Variants in THBS2 observed in about 807,000 individuals in gnomAD.
THBS2 encodes the protein thrombospondin-2.
Under a neutral mutation model 135.2 loss-of-function variants are expected in THBS2, and 47 were observed. The ratio of observed to expected loss-of-function variants is 0.35; its 90% CI spans 0.28 to 0.44. The LOEUF is 0.44. Ranked by LOEUF, THBS2 falls within the 20% of genes least tolerant of loss-of-function variation. The pLI, the probability that THBS2 is intolerant of heterozygous loss-of-function variation, is 1.00. For synonymous variants in THBS2, 639 were observed against 633.8 expected (o/e 1.01, Z -0.12); for missense variants, 1,288 against 1,603.1 (o/e 0.80, Z 3.36).
intron 16 of THBS2, 133 bp downstream of exon 16, chr6:169,226,047 C>T: frequency 2.2e-6 from 2 of 928,484 alleles, no homozygotes; most frequent in Non-Finnish European, 3.3e-6. Flanking sequence ...TGAGACCCGC[C>T]TGCCCATGGC....
In THBS2 at chr6:169,224,857, C is replaced by T. The variant is rs537543721; in HGVS notation, c.2773+288G>A. On this transcript the variant is annotated intron_variant, in intron 17 of 21. Coordinates refer to ENST00000617924, the MANE Select transcript of THBS2 (RefSeq NM_003247.5). ...GTAACCCGCATTCTTTCTAGGAGATCGTCAACAATCTGGAAGTTATATGGA... is the reference window on the plus strand; with the variant it reads ...GTAACCCGCATTCTTTCTAGGAGATTGTCAACAATCTGGAAGTTATATGGA... Among the ~76,000 whole-genome samples the T allele has an allele frequency of 2.9e-4, 44 of 152,246 alleles. No homozygotes were observed. The South Asian group carries it at 7.5e-3, about 26-fold the overall frequency.
Position 169,234,916 on chromosome 6 carries a change from A to G in THBS2, c.1478-9T>C. The G allele has an allele frequency of 6.3e-7, 1 of 1,581,042 alleles. No individual in the cohort carries two copies. On this transcript the variant is annotated splice_polypyrimidine_tract_variant and intron_variant, in intron 9 of 21. Transcript: ENST00000617924. ...GCTCCAGCGGCCATCGACTGCGGGG[A>G]AAGCCAACCAGGGGGAGCTCAGAGC...
At chr6:169,235,872 ACTCCCCCATCCACATTCTCC>A (rs1780023709) in intron 9 of THBS2, among the ~76,000 whole-genome samples, 2 of 53,980 alleles carry the variant, frequency 3.7e-5, no homozygotes, top group South Asian at 1.3e-3. Context: ...ATCCACACTC[ACTCCCCCATCCACATTCTCC>A]CTCCCCCATC....
intron 10 of THBS2, 53 bp downstream of exon 10, chr6:169,234,681 T>C: frequency 1.4e-6 from 2 of 1,421,010 alleles, no homozygotes; most frequent in Non-Finnish European, 9.3e-7. Flanking sequence ...TTTGTGCTTT[T>C]CATCAGAATG....
chr6:169,250,595 T>A, intron 2 of THBS2, 138 bp downstream of exon 2: 1 of 632,138 alleles, frequency 1.6e-6, no homozygotes. Context: ...AGTAAGTTAC[T>A]ATTTGATTTA....
chr6:169,248,643 T>A lies in THBS2; in HGVS notation c.383A>T (p.Tyr128Phe). Residue 128 changes from tyrosine to phenylalanine, a missense_variant, in exon 3 of 22, where the codon TAC becomes TTC. Coordinates refer to ENST00000617924, the MANE Select transcript of THBS2 (RefSeq NM_003247.5). The stretch of plus-strand genomic sequence containing the variant: ...CACATGCCGGGTGCCGTCAATCCAG[T>A]AGGTGAGATCCAGCGTGTCCGCGGG... ...NGPADTLDLTYWIDGTRHVVS... is the reference protein window; with the variant it reads ...NGPADTLDLTFWIDGTRHVVS... The A allele has an allele frequency of 6.2e-7, 1 of 1,613,894 alleles. No homozygotes were observed. Among genetic ancestry groups the A allele is most frequent in the South Asian group, 1.1e-5 (1 of 91,074 alleles).
At chr6:169,248,286 G>A (rs537504496) in intron 3 of THBS2, 131 bp downstream of exon 3, 21 of 1,079,540 alleles carry the variant, frequency 1.9e-5, no homozygotes, top group African/African-American at 7.9e-5. Context: ...AGCACATGCC[G>A]GGATGTGCAG....
chr6:169,228,064 A>G, intron 15 of THBS2, 58 bp downstream of exon 15: 28 of 1,469,488 alleles, frequency 1.9e-5, no homozygotes, highest in Non-Finnish European at 2.4e-5. Context: ...ACAATAGTGA[A>G]ACTCCATCTC....
At chr6:169,243,118 TACCTTCCCACCTTCCCACCGCTCCC>T (rs1780422118) in intron 4 of THBS2, among the ~76,000 whole-genome samples, 11 of 11,376 alleles carry the variant, frequency 9.7e-4, no homozygotes, top group Non-Finnish European at 1.4e-3. Context: ...CCACCACTCC[TACCTTCCCACCTTCCCACCGCTCCC>T]ACCTTCCCAC....
At chr6:169,227,332 T>C (rs962645596) in intron 15 of THBS2, among the ~76,000 whole-genome samples, 13 of 152,150 alleles carry the variant, frequency 8.5e-5, no homozygotes, top group Non-Finnish European at 5.9e-5. Flanking sequence ...GGGATGACCA[T>C]GCGGTGACAG....
In THBS2 at chr6:169,215,806, T is replaced by C. The variant is rs1456424877; in HGVS notation, c.*2016A>G. On this transcript the variant is annotated 3_prime_UTR_variant, in exon 22 of 22. Coordinates refer to ENST00000617924, the MANE Select transcript of THBS2 (RefSeq NM_003247.5). ...CATGTATAGAAAACCTTTTTTACAA[T>C]TTATTTCCTGTTGTTAATCTTTAAA... 1.3e-5 allele frequency: 2 copies of C among 151,376 alleles called. No individual in the cohort carries two copies. Among genetic ancestry groups the C allele is most frequent in the Admixed American group, 1.3e-4 (2 of 14,934 alleles). The allele number at this position is 151,376 out of a possible 1,614,324, so 9.4% of individuals were successfully genotyped here. A position where few individuals can be genotyped will look rare whatever the true frequency, so the allele number is the denominator to read the frequency against.
At chr6:169,228,065 A>G in intron 15 of THBS2, 57 bp downstream of exon 15, 38 of 1,466,180 alleles carry the variant, frequency 2.6e-5, no homozygotes, top group Non-Finnish European at 3.2e-5. Context: ...CAATAGTGAA[A>G]CTCCATCTCA....
chr6:169,236,550 C>T (rs1262311305), intron 9 of THBS2, among the ~76,000 whole-genome samples: 1 of 141,034 alleles, frequency 7.1e-6, no homozygotes, highest in African/African-American at 2.6e-5. Context: ...CATCCACACT[C>T]ACTCTATCCA....
At chr6:169,246,987 C>T (rs1268855449) in intron 3 of THBS2, among the ~76,000 whole-genome samples, 2 of 152,210 alleles carry the variant, frequency 1.3e-5, no homozygotes, top group East Asian at 3.8e-4. Flanking sequence ...ACCATTCCCT[C>T]ATAAATCACT....
In THBS2 at chr6:169,222,794, CA is replaced by C. The variant is rs67630546; in HGVS notation, c.3002-327del. Among the ~76,000 whole-genome samples the C allele has an allele frequency of 4.8e-3, 644 of 133,802 alleles. 3 individuals are homozygous for C. Among genetic ancestry groups the C allele is most frequent in the African/African-American group, 0.015 (544 of 37,082 alleles). 87.8% of individuals were successfully genotyped at this position (133,802 alleles called of 152,430 possible). A position where few individuals can be genotyped will look rare whatever the true frequency, so the allele number is the denominator to read the frequency against. ...GGGGGACAAGAGCAAGACTCCATCT[CA>C]AAAAAAAAAAAAGAAAAAAAAGAAA... On this transcript the variant is annotated intron_variant, in intron 18 of 21. Transcript: ENST00000617924.
At chr6:169,251,340 C>T (rs1443182652) in intron 1 of THBS2, among the ~76,000 whole-genome samples, 1 of 152,168 alleles carries the variant, frequency 6.6e-6, no homozygotes, top group Non-Finnish European at 1.5e-5. Flanking sequence ...TACAAATAAA[C>T]TTAATTTGGT....
intron 10 of THBS2, 96 bp downstream of exon 10, chr6:169,234,637 CT>C: frequency 7.9e-7 from 1 of 1,259,720 alleles, no homozygotes; most frequent in Non-Finnish European, 1.1e-6. Context: ...ATTGATTTTT[CT>C]TTTCTGTGTT....
rs58423957 is a variant in THBS2 at position 169,217,839 on chromosome 6, G to GA, written c.3512-11dup. 6,772 of 1,564,642 alleles carry GA rather than the reference G, an allele frequency of 4.3e-3. 7 individuals are homozygous for GA. The highest frequency in any genetic ancestry group is 4.3e-3 in the Non-Finnish European group (4,939 of 1,146,718). ...AATCTTGTTTAAATATCTACAAAAA[G>GA]AAAAAAAAAAGCAATAAACAATTAG... On this transcript the variant is annotated splice_polypyrimidine_tract_variant and intron_variant, in intron 21 of 21. Transcript: ENST00000617924.
At chr6:169,242,207 G>A (rs898613557) in intron 4 of THBS2, among the ~76,000 whole-genome samples, 15 of 152,026 alleles carry the variant, frequency 9.9e-5, no homozygotes, top group Admixed American at 3.3e-4. Flanking sequence ...TATTTCCCAC[G>A]CTGCCACATG....
Sources: gnomAD v4.1 joint callset for allele counts (sites outside exome capture counted in the v4.1 genomes callset) on GRCh38, gnomAD v4.1.1 for gene constraint, MANE v1.5 for transcripts, NCBI Gene and HGNC (gene_info 2026-07-23, HGNC 2026-07-21) for gene names.